The following DNAJC12 variants were observed in gnomAD, a reference collection of about 807,000 sequenced individuals.
DNAJC12 encodes DnaJ heat shock protein family (Hsp40) member C12.
In DNAJC12, 25 loss-of-function variants were observed where a neutral mutation model predicts 28.5. The ratio of observed to expected loss-of-function variants is 0.88; its 90% CI spans 0.64 to 1.22. DNAJC12 has a LOEUF of 1.22. Ranked by LOEUF, DNAJC12 falls within the 50% of genes most tolerant of loss-of-function variation. The pLI is 0.00. For synonymous variants in DNAJC12, 77 were observed against 80.6 expected, an observed-to-expected ratio of 0.95 and a Z score of 0.24; for missense variants, 222 against 231.7, an observed-to-expected ratio of 0.96 and a Z score of 0.27.
intron 2 of DNAJC12, among the ~76,000 whole-genome samples, chr10:67,822,419 C>T (rs879809247): frequency 6.6e-6 from 1 of 152,028 alleles, no homozygotes; most frequent in African/African-American, 2.4e-5. Flanking sequence ...TTCTGAGAAA[C>T]TAGGGAAGTC....
rs1470281152 is a variant in DNAJC12, at chr10:67,805,690, T to C, written c.395A>G (p.Gln132Arg). Residue 132 changes from glutamine to arginine, a missense_variant, in exon 4 of 5, where the codon CAA becomes CGA. By Grantham distance (43) the Gln-to-Arg change is conservative. Coordinates refer to ENST00000225171, the MANE Select transcript of DNAJC12 (RefSeq NM_021800.3). Reference protein sequence around the residue: ...TKMENEECNEQRERKKEELAS... With the variant: ...TKMENEECNERRERKKEELAS... Reference sequence around the variant, plus strand: ...CAGCTCCTCTTTCTTTCTTTCTCTTTGCTCATTACATTCCTCATTTTCCAT... The same window carrying C: ...CAGCTCCTCTTTCTTTCTTTCTCTTCGCTCATTACATTCCTCATTTTCCAT... The C allele has an allele frequency of 3.7e-6, 6 of 1,613,716 alleles. No homozygotes were observed. The highest frequency in any genetic ancestry group is 4.2e-6 in the Non-Finnish European group (5 of 1,179,962).
At chr10:67,831,868 A>G (rs918236549) in intron 1 of DNAJC12, among the ~76,000 whole-genome samples, 4 of 152,266 alleles carry the variant, frequency 2.6e-5, no homozygotes, top group African/African-American at 4.8e-5. Context: ...TTCAAGTAAC[A>G]TAACTATAGT....
At chr10:67,829,203 C>A (rs1181038468) in intron 1 of DNAJC12, among the ~76,000 whole-genome samples, 1 of 152,146 alleles carries the variant, frequency 6.6e-6, no homozygotes, top group African/African-American at 2.4e-5. Flanking sequence ...AACTCTCCCT[C>A]CCAGAAAAGC....
Position 67,811,638 on chromosome 10 carries a change from CT to C in DNAJC12, c.182del (p.Lys61ArgfsTer6). The C allele has an allele frequency of 6.2e-7, 1 of 1,613,410 alleles. No homozygotes were observed. The highest frequency in any genetic ancestry group is 1.7e-4 in the Middle Eastern group (1 of 6,054). On this transcript the variant is annotated frameshift_variant, in exon 3 of 5. Transcript: ENST00000225171. LOFTEE classifies it high-confidence loss of function. ...KAVETFQKLQKAKEILTNEES... is the reference protein window; with the variant it reads ...KAVETFQKLQXAKEILTNEES... ...CTTCATTGGTCAGAATCTCCTTTGCCTTCTGCAGTTTCTGAAAAGTCTCCAC... is the reference window on the plus strand; with the variant it reads ...CTTCATTGGTCAGAATCTCCTTTGCCTCTGCAGTTTCTGAAAAGTCTCCAC...
At chr10:67,815,877 A>G (rs1841911263) in intron 2 of DNAJC12, among the ~76,000 whole-genome samples, 1 of 152,240 alleles carries the variant, frequency 6.6e-6, no homozygotes, top group East Asian at 1.9e-4. Flanking sequence ...GTCCCTCAAC[A>G]ACAGTTGATA....
chr10:67,814,602 CA>C (rs886665885), intron 2 of DNAJC12, among the ~76,000 whole-genome samples: 34 of 152,184 alleles, frequency 2.2e-4, no homozygotes, highest in African/African-American at 7.7e-4. Context: ...AAAATATCTG[CA>C]AATAATATAT....
intron 2 of DNAJC12, among the ~76,000 whole-genome samples, chr10:67,812,103 T>C (rs1211792447): frequency 3.3e-5 from 5 of 151,724 alleles, no homozygotes; most frequent in African/African-American, 7.3e-5. Flanking sequence ...CTGAAGACTA[T>C]AAAGACTATA....
At chr10:67,800,166 G>A (rs995981282) in intron 4 of DNAJC12, among the ~76,000 whole-genome samples, 1 of 143,504 alleles carries the variant, frequency 7.0e-6, no homozygotes, top group African/African-American at 2.6e-5. Context: ...AGGCTGCAGT[G>A]AGTCGTGATC....
chr10:67,834,069 A>C, intron 1 of DNAJC12: 1 of 459,912 alleles, frequency 2.2e-6, no homozygotes, highest in Non-Finnish European at 4.5e-6. Flanking sequence ...ATTTACTAGA[A>C]GGTCAAGCTA....
At chr10:67,835,045 T>C (rs550562885) in intron 1 of DNAJC12, among the ~76,000 whole-genome samples, 180 of 152,282 alleles carry the variant, frequency 1.2e-3, no homozygotes, top group Non-Finnish European at 2.3e-3. Context: ...TTAAAAACTC[T>C]CTGAGAAGGA....
intron 4 of DNAJC12, among the ~76,000 whole-genome samples, chr10:67,798,374 A>T (rs1841700862): frequency 6.6e-6 from 1 of 151,982 alleles, no homozygotes; most frequent in Admixed American, 6.6e-5. Flanking sequence ...TTTATGTGAA[A>T]TTTTTTTAAG....
chr10:67,797,856 C>A (rs376999352), intron 4 of DNAJC12, among the ~76,000 whole-genome samples: 5 of 152,012 alleles, frequency 3.3e-5, no homozygotes, highest in South Asian at 2.1e-4. Flanking sequence ...CTGGCTAACA[C>A]GGTGAAACCC....
At chr10:67,809,514 G>A (rs1265472678) in intron 3 of DNAJC12, among the ~76,000 whole-genome samples, 1 of 151,954 alleles carries the variant, frequency 6.6e-6, no homozygotes, top group Non-Finnish European at 1.5e-5. Context: ...ACTAGCAGGA[G>A]GAACTTCTAG....
rs533913395 is a variant in DNAJC12 at position 67,811,201 on chromosome 10, T to C, written c.297+323A>G. 4 of 803,288 alleles carry C rather than the reference T, an allele frequency of 5.0e-6. No homozygotes were observed. The South Asian group carries it at 1.7e-4, about 34-fold the overall frequency. The allele number at this position is 803,288 out of a possible 1,614,324, so 49.8% of individuals were successfully genotyped here. On this transcript the variant is annotated intron_variant, in intron 3 of 4. Coordinates refer to ENST00000225171, the MANE Select transcript of DNAJC12 (RefSeq NM_021800.3). ...AATGTGAATTTACAATGGTTAAAAC[T>C]CAGCAATTCATGAGCAACTTGAGAA...
intron 4 of DNAJC12, among the ~76,000 whole-genome samples, chr10:67,798,932 T>C (rs1841708763): frequency 6.6e-6 from 1 of 151,914 alleles, no homozygotes; most frequent in African/African-American, 2.4e-5. Context: ...ACCCGGCTAA[T>C]TTTTGTATTT....
rs537118691 is a variant in DNAJC12, at chr10:67,817,116, C to T, written c.158-5453G>A. ...ATAAAAAGAGAAAACTATCCCATCA[C>T]GTTAAATGTTTACCTTGGGCTGCTA... On this transcript the variant is annotated intron_variant, in intron 2 of 4. Transcript: ENST00000225171. Among the ~76,000 whole-genome samples the T allele has an allele frequency of 7.2e-5, 11 of 152,030 alleles. No homozygotes were observed. In the South Asian group the frequency reaches 2.3e-3, roughly 32 times the overall value.
chr10:67,811,764 A>T, intron 2 of DNAJC12, 101 bp from the exon 3 acceptor site: 1 of 1,505,642 alleles, frequency 6.6e-7, no homozygotes, highest in Non-Finnish European at 8.8e-7. Context: ...CTGCCACTTA[A>T]TAGCTATGTG....
chr10:67,837,736 T>A (rs1412012282), intron 1 of DNAJC12, among the ~76,000 whole-genome samples, 198 bp downstream of exon 1: 1 of 152,190 alleles, frequency 6.6e-6, no homozygotes, highest in African/African-American at 2.4e-5. Flanking sequence ...AAAATTCCCA[T>A]AGGACACTAT....
At chr10:67,809,635 C>T (rs1235828519) in intron 3 of DNAJC12, among the ~76,000 whole-genome samples, 2 of 152,124 alleles carry the variant, frequency 1.3e-5, no homozygotes, top group African/African-American at 4.8e-5. Context: ...TGGATATATA[C>T]ACCATGGAAT....
Sources: allele counts gnomAD v4.1 joint callset (sites outside exome capture counted in the v4.1 genomes callset), GRCh38; gene constraint gnomAD v4.1.1; transcripts MANE v1.5; gene names NCBI Gene and HGNC (gene_info 2026-07-23, HGNC 2026-07-21).